SPTBN1: variants seen among roughly 807,000 people sequenced by gnomAD.
SPTBN1 encodes the protein spectrin beta, non-erythrocytic 1.
In SPTBN1, 32 loss-of-function variants were observed where a neutral mutation model predicts 266.4. The ratio of observed to expected loss-of-function variants is 0.12; its 90% CI spans 0.09 to 0.16. The LOEUF is 0.16. Among genes scored for constraint, SPTBN1 ranks in the 10% least tolerant of loss-of-function variants. The pLI is 1.00. For missense variants in SPTBN1, 2,296 were observed against 3,067.1 expected, an observed-to-expected ratio of 0.75 and a Z score of 5.94; for synonymous variants, 1,336 against 1,162.2, an observed-to-expected ratio of 1.15 and a Z score of -3.04.
chr2:54,617,833 G>A (rs62134708), intron 6 of SPTBN1, 145 bp downstream of exon 6: 94,046 of 751,624 alleles, frequency 0.13, 6,594 homozygotes, highest in Middle Eastern at 0.22. Context: ...GAAAATATGG[G>A]AGAATATATA....
intron 2 of SPTBN1, among the ~76,000 whole-genome samples, chr2:54,582,396 C>T (rs1674992128): frequency 6.6e-6 from 1 of 151,708 alleles, no homozygotes; most frequent in South Asian, 2.1e-4. Context: ...AAGCACCCTC[C>T]ATTTAGAAAT....
At chr2:54,476,678 A>G (rs2103902171) in intron 1 of SPTBN1, among the ~76,000 whole-genome samples, 1 of 152,278 alleles carries the variant, frequency 6.6e-6, no homozygotes. Flanking sequence ...GGGATACCCT[A>G]ATTTGTCTAA....
At chr2:54,613,957 C>T (rs1348603681) in intron 4 of SPTBN1, among the ~76,000 whole-genome samples, 3 of 152,244 alleles carry the variant, frequency 2.0e-5, no homozygotes, top group African/African-American at 7.2e-5. Context: ...AGCGGGTCAG[C>T]ACCCAGGTCA....
At chr2:54,577,342 T>C (rs557031027) in intron 2 of SPTBN1, among the ~76,000 whole-genome samples, 2 of 152,354 alleles carry the variant, frequency 1.3e-5, no homozygotes, top group Admixed American at 1.3e-4. Context: ...CCAAGGCTCT[T>C]CTGGGTAGAT....
rs1259763584 is a variant in SPTBN1, at chr2:54,628,084, T to G, written c.1645-13T>G. On this transcript the variant is annotated splice_polypyrimidine_tract_variant and intron_variant, in intron 12 of 35. Transcript: ENST00000356805. This position sits in a 1 kb window ranked among gnomAD's most constrained non-coding sequence, Gnocchi z 4.3. ...TAGTCACAGATGTCCTTTTGGTTGC[T>G]TCTTGTGCACAGGTGCTAGTATTGT... 6.3e-7 allele frequency: 1 copy of G among 1,599,786 alleles called. No homozygotes were observed. Among genetic ancestry groups the G allele is most frequent in the Admixed American group, 1.7e-5 (1 of 58,042 alleles).
At position 54,664,530 on chromosome 2, in the gene SPTBN1, C is replaced by A. The variant is rs936363935; in HGVS notation, c.6498C>A (p.Pro2166=). Residue 2166 remains proline (P), a synonymous_variant, in exon 33 of 36, where the codon CCC becomes CCA. Coordinates refer to ENST00000356805, the MANE Select transcript of SPTBN1 (RefSeq NM_003128.3). The surrounding 1 kb of genome is among the most constrained non-coding windows in gnomAD (Gnocchi z 5.6). The part of the protein sequence containing the change: ...EQRTSSKESS[P]IPSPTSDRKA... ...GGACGAGCTCTAAAGAGTCCAGCCC[C>A]ATCCCCTCCCCGACCTCTGATCGTA... 1.9e-6 allele frequency: 3 copies of A among 1,614,200 alleles called. No individual in the cohort carries two copies.
At chr2:54,598,944 A>G (rs1573500396) in intron 2 of SPTBN1, 148 bp from the exon 3 acceptor site, 1 of 748,162 alleles carries the variant, frequency 1.3e-6, no homozygotes, top group East Asian at 2.6e-5. Context: ...CAAAGACATG[A>G]CCGCAGTTAA....
At chr2:54,523,135 A>G (rs1408376051) in intron 1 of SPTBN1, among the ~76,000 whole-genome samples, 1 of 152,170 alleles carries the variant, frequency 6.6e-6, no homozygotes, top group Non-Finnish European at 1.5e-5. Flanking sequence ...ATTAATTTTC[A>G]TTTTTTGGAA....
intron 3 of SPTBN1, among the ~76,000 whole-genome samples, chr2:54,604,556 A>G (rs749616038): frequency 6.6e-6 from 1 of 152,144 alleles, no homozygotes; most frequent in Non-Finnish European, 1.5e-5. Flanking sequence ...TTTTTGGTCC[A>G]TGCGAAGGAA....
intron 1 of SPTBN1, among the ~76,000 whole-genome samples, chr2:54,485,131 A>G (rs894042460): frequency 8.6e-6 from 1 of 116,360 alleles, no homozygotes. Flanking sequence ...AAAATAAAAT[A>G]TTGAAAACAA....
Position 54,670,676 on chromosome 2 carries a change from T to C in SPTBN1, c.*2107T>C, listed in dbSNP as rs1240160257. The C allele has an allele frequency of 2.5e-6, 1 of 398,530 alleles. No individual in the cohort carries two copies. Among genetic ancestry groups the C allele is most frequent in the Non-Finnish European group, 4.4e-6 (1 of 226,070 alleles). 24.7% of individuals were successfully genotyped at this position (398,530 alleles called of 1,614,324 possible). ...AGCTGTGCAGATGGCAATAAGTTCA[T>C]ACCAGCAATCCTGGAGTCCCATAAT... On this transcript the variant is annotated 3_prime_UTR_variant, in exon 36 of 36. Coordinates refer to ENST00000356805, the MANE Select transcript of SPTBN1 (RefSeq NM_003128.3).
chr2:54,649,587 C>G lies in SPTBN1; in HGVS notation c.5203-28C>G. ...AAATACAGAGTTCACAGTGGGCTCT[C>G]TGATTTCCTTACCCATCCCCGTTTC... On this transcript the variant is annotated intron_variant, in intron 25 of 35. Transcript: ENST00000356805. The surrounding 1 kb of genome is among the most constrained non-coding windows in gnomAD (Gnocchi z 6.7). The G allele has an allele frequency of 1.9e-6, 3 of 1,598,614 alleles. No homozygotes were observed. Among genetic ancestry groups the G allele is most frequent in the Non-Finnish European group, 2.6e-6 (3 of 1,168,320 alleles).
chr2:54,564,538 T>G (rs1037844904), intron 2 of SPTBN1, among the ~76,000 whole-genome samples: 2 of 152,182 alleles, frequency 1.3e-5, no homozygotes, highest in Non-Finnish European at 2.9e-5. Flanking sequence ...TTTGCTGGGA[T>G]TTGACTCCAG....
At chr2:54,472,186 C>G (rs1693963669) in intron 1 of SPTBN1, among the ~76,000 whole-genome samples, 1 of 151,900 alleles carries the variant, frequency 6.6e-6, no homozygotes, top group Admixed American at 6.6e-5. Flanking sequence ...CACCACCACG[C>G]CCAGCTAATT....
At chr2:54,576,056 T>C (rs529663437) in intron 2 of SPTBN1, among the ~76,000 whole-genome samples, 63 of 41,156 alleles carry the variant, frequency 1.5e-3, no homozygotes, top group Non-Finnish European at 2.3e-3. Flanking sequence ...CAGATCCAGC[T>C]TTTTTTTTTT....
chr2:54,639,887 T>C (rs1679412849), intron 18 of SPTBN1, among the ~76,000 whole-genome samples: 1 of 152,194 alleles, frequency 6.6e-6, no homozygotes, highest in Non-Finnish European at 1.5e-5. Flanking sequence ...GATTTGCAGA[T>C]CTCTGTGTGA....
At chr2:54,584,064 T>C (rs915081789) in intron 2 of SPTBN1, among the ~76,000 whole-genome samples, 1 of 152,350 alleles carries the variant, frequency 6.6e-6, no homozygotes, top group Non-Finnish European at 1.5e-5. Context: ...TTGGAAGATA[T>C]CCTTCGATAT....
rs190239122 is a variant in SPTBN1, at chr2:54,480,837, T to G, written c.-48+24319T>G. ...TGGATGAACTTAAGCCAGCTCTTCT[T>G]CCTTGCAGGGGAGTCCATTAGTTAA... On this transcript the variant is annotated intron_variant, in intron 1 of 35. Transcript: ENST00000356805. Among the ~76,000 whole-genome samples, 695 of 152,324 alleles carry G rather than the reference T, an allele frequency of 4.6e-3. 3 individuals carry two copies. The highest frequency in any genetic ancestry group is 0.024 in the Middle Eastern group (7 of 294).
intron 2 of SPTBN1, among the ~76,000 whole-genome samples, chr2:54,560,397 TAGA>T (rs1224983435): frequency 1.3e-5 from 2 of 151,202 alleles, no homozygotes. Context: ...TGGGAGAAAA[TAGA>T]AGGTGTGAGG....
Sources: gnomAD v4.1 joint callset for allele counts (sites outside exome capture counted in the v4.1 genomes callset) on GRCh38, gnomAD v4.1.1 for gene constraint, Gnocchi (gnomAD v3.1) non-coding constraint, MANE v1.5 for transcripts, NCBI Gene and HGNC (gene_info 2026-07-23, HGNC 2026-07-21) for gene names.